The following USH2A variants were observed in gnomAD, a reference collection of about 807,000 sequenced individuals.
USH2A encodes Usher syndrome 2A (autosomal recessive, mild).
In USH2A, 443 loss-of-function variants were observed where a neutral mutation model predicts 538.9. That is an observed-to-expected ratio of 0.82 (90% confidence interval 0.76 to 0.89). USH2A has a LOEUF of 0.89. Ranked by LOEUF, USH2A falls within the 40% of genes least tolerant of loss-of-function variation. USH2A has a pLI of 0.00. For missense variants in USH2A, 6,633 were observed against 6,324.8 expected (o/e 1.05, Z -1.65); for synonymous variants, 2,413 against 2,273.5 (o/e 1.06, Z -1.75).
chr1:216,190,336 G>A lies in USH2A; in HGVS notation c.4283C>T (p.Ser1428Phe). The change falls in exon 20 of 72, where the codon TCT becomes TTT. Residue 1428 changes from serine to phenylalanine, a missense_variant. By Grantham distance (155) the Ser-to-Phe change is radical. Coordinates refer to ENST00000307340, the MANE Select transcript of USH2A (RefSeq NM_206933.4). ...LLHTAKSQELSYTVEGLKPYR... is the reference protein window; with the variant it reads ...LLHTAKSQELFYTVEGLKPYR... ...AGGTTTCAGTCCTTCTACAGTGTAA[G>A]ATAGTTCTTGGGATTTAGCAGTGTG... 6.2e-7 allele frequency: 1 copy of A among 1,612,136 alleles called. No individual in the cohort carries two copies. Among genetic ancestry groups the A allele is most frequent in the South Asian group, 1.1e-5 (1 of 91,056 alleles).
At chr1:215,682,261 A>G (rs1312086858) in intron 61 of USH2A, among the ~76,000 whole-genome samples, 1 of 152,240 alleles carries the variant, frequency 6.6e-6, no homozygotes, top group Non-Finnish European at 1.5e-5. Flanking sequence ...CAGATTATAT[A>G]TAAAAAAGGT....
intron 12 of USH2A, among the ~76,000 whole-genome samples, chr1:216,248,258 T>G (rs557068638): frequency 6.6e-6 from 1 of 152,112 alleles, no homozygotes; most frequent in African/African-American, 2.4e-5. Flanking sequence ...CACCTAAACT[T>G]AAATCTCTGA....
intron 3 of USH2A, among the ~76,000 whole-genome samples, chr1:216,410,153 C>T (rs906108346): frequency 1.4e-5 from 2 of 145,214 alleles, no homozygotes; most frequent in Non-Finnish European, 3.0e-5. Flanking sequence ...TGAAAGATAC[C>T]ATCTCACATC....
intron 15 of USH2A, among the ~76,000 whole-genome samples, chr1:216,214,373 C>T (rs74430929): frequency 0.012 from 1,794 of 152,104 alleles, 20 homozygotes; most frequent in Middle Eastern, 0.082. Flanking sequence ...TCTACTGAGA[C>T]ATGCAACAAT....
At chr1:215,848,821 G>C (rs1289896438) in intron 44 of USH2A, among the ~76,000 whole-genome samples, 1 of 152,192 alleles carries the variant, frequency 6.6e-6, no homozygotes, top group African/African-American at 2.4e-5. Context: ...ACATGTTCCT[G>C]GTTATCACAT....
intron 20 of USH2A, among the ~76,000 whole-genome samples, chr1:216,186,355 C>G (rs948270408): frequency 6.6e-6 from 1 of 151,898 alleles, no homozygotes; most frequent in Non-Finnish European, 1.5e-5. Context: ...GACCTCGCAT[C>G]CATTTTAGGT....
At chr1:216,266,789 A>G (rs1218467792) in intron 11 of USH2A, among the ~76,000 whole-genome samples, 1 of 152,110 alleles carries the variant, frequency 6.6e-6, no homozygotes, top group South Asian at 2.1e-4. Flanking sequence ...TTAATGACAT[A>G]TAGAAAACTA....
At chr1:216,004,837 T>C (rs1668355256) in intron 32 of USH2A, among the ~76,000 whole-genome samples, 1 of 152,126 alleles carries the variant, frequency 6.6e-6, no homozygotes, top group African/African-American at 2.4e-5. Flanking sequence ...AGTTCAAAAG[T>C]GAAAGAGTTG....
rs189703826 is a variant in USH2A, at chr1:216,250,098, A to T, written c.2167+805T>A. ...AACTTTCCTCTCATAATATTCTCAT[A>T]TATCAAAATTTCAAAGTGCATTATG... On this transcript the variant is annotated intron_variant, in intron 12 of 71. Coordinates refer to ENST00000307340, the MANE Select transcript of USH2A (RefSeq NM_206933.4). Among the ~76,000 whole-genome samples the T allele has an allele frequency of 2.7e-3, 416 of 152,290 alleles. 2 individuals are homozygous for T. The highest frequency in any genetic ancestry group is 9.7e-3 in the African/African-American group (404 of 41,562).
intron 21 of USH2A, among the ~76,000 whole-genome samples, chr1:216,169,540 T>TA (rs1429701758): frequency 5.9e-5 from 9 of 152,090 alleles, no homozygotes; most frequent in African/African-American, 2.2e-4. Context: ...CTAAATATAA[T>TA]AAAAAATAAA....
intron 55 of USH2A, among the ~76,000 whole-genome samples, chr1:215,777,059 A>C (rs1186802725): frequency 6.6e-6 from 1 of 152,184 alleles, no homozygotes. Context: ...AATTAAAACA[A>C]ATCAAAAGTA....
At chr1:215,642,985 T>C (rs1656736755) in intron 67 of USH2A, among the ~76,000 whole-genome samples, 1 of 152,230 alleles carries the variant, frequency 6.6e-6, no homozygotes, top group Non-Finnish European at 1.5e-5. Flanking sequence ...CTGCATATTC[T>C]ATTTTTAAAT....
At chr1:216,412,499 G>A (rs758411111) in intron 3 of USH2A, among the ~76,000 whole-genome samples, 8 of 151,864 alleles carry the variant, frequency 5.3e-5, no homozygotes, top group African/African-American at 1.5e-4. Flanking sequence ...AAAATATTGC[G>A]CAGAACTTTA....
chr1:216,141,375 G>A (rs983736928), intron 21 of USH2A, among the ~76,000 whole-genome samples: 4 of 152,168 alleles, frequency 2.6e-5, no homozygotes, highest in Admixed American at 6.5e-5. Context: ...GCACCCTAGC[G>A]AGCATCACAG....
At chr1:215,909,701 A>G (rs930518874) in intron 38 of USH2A, among the ~76,000 whole-genome samples, 4 of 151,960 alleles carry the variant, frequency 2.6e-5, no homozygotes, top group Admixed American at 1.3e-4. Context: ...TGCGATAGGC[A>G]GGGAAGGCAT....
chr1:215,996,292 C>G (rs981461500), intron 34 of USH2A, among the ~76,000 whole-genome samples: 1 of 151,690 alleles, frequency 6.6e-6, no homozygotes, highest in Non-Finnish European at 1.5e-5. Context: ...TTTTAAAGCA[C>G]GAAGAAAAAG....
At chr1:215,837,324 A>G (rs1333422045) in intron 47 of USH2A, among the ~76,000 whole-genome samples, 2 of 152,126 alleles carry the variant, frequency 1.3e-5, no homozygotes, top group Non-Finnish European at 2.9e-5. Context: ...TTAAGCAAAA[A>G]GTATAATGTG....
At position 216,379,284 on chromosome 1, in the gene USH2A, AT is replaced by A. The variant is rs992224685; in HGVS notation, c.652-14200del. Among the ~76,000 whole-genome samples the A allele has an allele frequency of 2.3e-4, 35 of 152,268 alleles. 1 individual carries two copies. The highest frequency in any genetic ancestry group is 2.3e-3 in the Admixed American group (35 of 15,298). On this transcript the variant is annotated intron_variant, in intron 3 of 71. Coordinates refer to ENST00000307340, the MANE Select transcript of USH2A (RefSeq NM_206933.4). ...CTGCTACATTTCTCTCCTGTGTGTA[AT>A]TTGGGCTGGTTTCCTTTGCCAATCT...
intron 3 of USH2A, among the ~76,000 whole-genome samples, chr1:216,377,847 GA>G (rs1558061794): frequency 3.6e-4 from 48 of 132,604 alleles, no homozygotes; most frequent in African/African-American, 1.3e-3. Context: ...AAGAAAGAAA[GA>G]AAGAAAGAAA....
Sources: gnomAD v4.1 joint callset for allele counts (sites outside exome capture counted in the v4.1 genomes callset) on GRCh38, gnomAD v4.1.1 for gene constraint, MANE v1.5 for transcripts, NCBI Gene and HGNC (gene_info 2026-07-23, HGNC 2026-07-21) for gene names.